The following SND1 variants were observed in gnomAD, a reference collection of about 807,000 sequenced individuals.
SND1 encodes staphylococcal nuclease domain-containing protein 1.
In SND1, 38 loss-of-function variants were observed where a neutral mutation model predicts 121.7. The observed-to-expected ratio is 0.31, with a 90% CI of 0.24 to 0.41. The LOEUF is 0.41. SND1 is among the 10% of genes least tolerant of loss of function. The pLI is 1.00. For missense variants in SND1, 868 were observed against 1,184.6 expected, an observed-to-expected ratio of 0.73 and a Z score of 3.92; for synonymous variants, 401 against 447.4, an observed-to-expected ratio of 0.90 and a Z score of 1.31.
At chr7:127,957,723 G>A (rs1191674657) in intron 15 of SND1, among the ~76,000 whole-genome samples, 1 of 152,014 alleles carries the variant, frequency 6.6e-6, no homozygotes, top group East Asian at 1.9e-4. Flanking sequence ...TTTGTGAGAT[G>A]GAGTTTCGCT....
chr7:127,855,061 G>T (rs1799248927), intron 12 of SND1, among the ~76,000 whole-genome samples: 1 of 150,142 alleles, frequency 6.7e-6, no homozygotes, highest in Non-Finnish European at 1.5e-5. Flanking sequence ...AGAAAAACTT[G>T]GACCACTCGG....
At chr7:127,863,482 A>G (rs1584626540) in intron 12 of SND1, among the ~76,000 whole-genome samples, 1 of 152,260 alleles carries the variant, frequency 6.6e-6, no homozygotes, top group Middle Eastern at 3.2e-3. Flanking sequence ...CACCTTATCC[A>G]TAGAGTCTTC....
chr7:127,857,993 C>T (rs1199076686), intron 12 of SND1: 7 of 1,455,308 alleles, frequency 4.8e-6, no homozygotes, highest in Non-Finnish European at 6.8e-6. Context: ...CCATGCAGCT[C>T]GGCATCCCCC....
intron 15 of SND1, among the ~76,000 whole-genome samples, chr7:127,944,148 T>C (rs1264950202): frequency 6.6e-6 from 1 of 152,242 alleles, no homozygotes; most frequent in Non-Finnish European, 1.5e-5. Context: ...CTTTTTGAAA[T>C]ACACGGGAGC....
At chr7:127,750,443 TA>T (rs1024959480) in intron 10 of SND1, among the ~76,000 whole-genome samples, 2 of 152,192 alleles carry the variant, frequency 1.3e-5, no homozygotes, top group Admixed American at 6.5e-5. Context: ...AGAAAGGTTA[TA>T]TGGTACGTGT....
At chr7:127,887,821 C>A in intron 12 of SND1, 81 bp from the exon 13 acceptor site, 1 of 866,216 alleles carries the variant, frequency 1.2e-6, no homozygotes, top group Non-Finnish European at 1.9e-6. Context: ...TTAAGACCTC[C>A]AGGTGCTAAC....
chr7:127,662,146 C>A (rs1051212875), intron 1 of SND1, among the ~76,000 whole-genome samples: 1 of 151,994 alleles, frequency 6.6e-6, no homozygotes, highest in Non-Finnish European at 1.5e-5. Context: ...TCTCTGCCCT[C>A]CTTGCCCCTC....
At chr7:127,885,305 T>C (rs10255861) in intron 12 of SND1, among the ~76,000 whole-genome samples, 136,390 of 152,180 alleles carry the variant, frequency 0.9, 61,438 homozygotes, top group African/African-American at 0.98. Context: ...TCATATGCAT[T>C]GCACGTAGTG....
At chr7:127,960,180 C>A (rs1449306296) in intron 15 of SND1, among the ~76,000 whole-genome samples, 2 of 152,226 alleles carry the variant, frequency 1.3e-5, no homozygotes, top group African/African-American at 4.8e-5. Flanking sequence ...ATTATCATTG[C>A]TGTCACAGAC....
intron 15 of SND1, among the ~76,000 whole-genome samples, chr7:127,974,246 G>C (rs1053483389): frequency 6.6e-6 from 1 of 152,224 alleles, no homozygotes; most frequent in East Asian, 1.9e-4. Flanking sequence ...CAGCATCTCA[G>C]CTAGAATATT....
At chr7:127,769,963 A>G (rs1347726613) in intron 10 of SND1, among the ~76,000 whole-genome samples, 1 of 152,078 alleles carries the variant, frequency 6.6e-6, no homozygotes, top group Non-Finnish European at 1.5e-5. Context: ...ATAGTAGCAC[A>G]TTAGTGTCTG....
At chr7:127,775,500 A>G (rs1797602313) in intron 10 of SND1, among the ~76,000 whole-genome samples, 1 of 152,168 alleles carries the variant, frequency 6.6e-6, no homozygotes, top group Non-Finnish European at 1.5e-5. Context: ...GTTTCAATAG[A>G]TCATAAAAGA....
At chr7:127,759,089 GATAGATAGA>G in intron 10 of SND1, among the ~76,000 whole-genome samples, 1 of 152,048 alleles carries the variant, frequency 6.6e-6, no homozygotes, top group African/African-American at 2.4e-5. Context: ...TAGATAGATA[GATAGATAGA>G]TAGGCAGGCA....
chr7:128,012,609 C>T (rs1803140365), intron 16 of SND1, among the ~76,000 whole-genome samples: 1 of 152,206 alleles, frequency 6.6e-6, no homozygotes, highest in African/African-American at 2.4e-5. Context: ...TTTGTGTCTT[C>T]AGTGCCTATT....
chr7:127,845,314 G>A (rs776412711), intron 12 of SND1, among the ~76,000 whole-genome samples: 3 of 152,154 alleles, frequency 2.0e-5, no homozygotes, highest in African/African-American at 4.8e-5. Flanking sequence ...CACCTCATTC[G>A]TGCTTTCACA....
intron 8 of SND1, 53 bp from the exon 9 acceptor site, chr7:127,707,504 G>T (rs1163862470): frequency 6.9e-7 from 1 of 1,454,930 alleles, no homozygotes; most frequent in Non-Finnish European, 9.7e-7. Flanking sequence ...CATGGTAGTG[G>T]TGGATTCCAT....
chr7:127,783,441 G>A (rs182856845), intron 10 of SND1, among the ~76,000 whole-genome samples: 11 of 152,342 alleles, frequency 7.2e-5, no homozygotes, highest in African/African-American at 2.2e-4. Context: ...TGTGTTAACA[G>A]ACTACAGCAG....
chr7:127,718,602 C>A, intron 9 of SND1: 1 of 985,350 alleles, frequency 1.0e-6, no homozygotes, highest in Non-Finnish European at 1.2e-6. Context: ...CAGGGAGATG[C>A]TGAGCAGCAG....
At chr7:127,794,979 G>A (rs184781410) in intron 10 of SND1, among the ~76,000 whole-genome samples, 1 of 152,294 alleles carries the variant, frequency 6.6e-6, no homozygotes, top group Admixed American at 6.5e-5. Context: ...CTTTAGACCT[G>A]CTTTTGTCTT....
Sources: allele counts gnomAD v4.1 joint callset (sites outside exome capture counted in the v4.1 genomes callset), GRCh38; gene constraint gnomAD v4.1.1; transcripts MANE v1.5; gene names NCBI Gene and HGNC (gene_info 2026-07-23, HGNC 2026-07-21).